The following RPS6KC1 variants were observed in gnomAD, a reference collection of about 807,000 sequenced individuals.
The protein encoded by RPS6KC1 is ribosomal protein S6 kinase C1, also known as inactive ribosomal protein S6 kinase delta-1.
Under a neutral mutation model 103.8 loss-of-function variants are expected in RPS6KC1, and 54 were observed. That is an observed-to-expected ratio of 0.52 (90% CI 0.42 to 0.65). RPS6KC1 has a LOEUF of 0.65. RPS6KC1 is among the 30% of genes least tolerant of loss of function. The pLI is 0.00. For synonymous variants in RPS6KC1, 439 were observed against 438.7 expected (o/e 1.00, Z -0.01); for missense variants, 1,151 against 1,253.8 (o/e 0.92, Z 1.24).
chr1:213,851,407 T>C, the RPS6KC1 span, among the ~76,000 whole-genome samples: 2 of 152,174 alleles, frequency 1.3e-5, no homozygotes, highest in African/African-American at 4.8e-5. Context: ...TTTCTCTCTC[T>C]CTTTCCAGTC....
chr1:213,389,123 C>CT, the RPS6KC1 span, among the ~76,000 whole-genome samples: 295 of 144,616 alleles, frequency 2.0e-3, 3 homozygotes, highest in East Asian at 0.017. Flanking sequence ...CTGGAGCTAG[C>CT]TTTTTTTTTT....
At chr1:213,329,929 TG>T in the RPS6KC1 span, among the ~76,000 whole-genome samples, 4 of 152,122 alleles carry the variant, frequency 2.6e-5, no homozygotes, top group Non-Finnish European at 5.9e-5. Flanking sequence ...AGTGAAACCT[TG>T]GCACCCTCTC....
chr1:213,499,842 CA>C, the RPS6KC1 span, among the ~76,000 whole-genome samples: 3 of 152,086 alleles, frequency 2.0e-5, no homozygotes, highest in Non-Finnish European at 4.4e-5. Flanking sequence ...AAAGTATTTG[CA>C]TATTTAAACA....
chr1:213,617,604 G>A, the RPS6KC1 span, among the ~76,000 whole-genome samples: 3 of 152,156 alleles, frequency 2.0e-5, no homozygotes, highest in African/African-American at 7.2e-5. Context: ...CATGAAAGGA[G>A]GATTTTATTT....
At chr1:213,118,710 A>T (rs190210066) in intron 5 of RPS6KC1, among the ~76,000 whole-genome samples, 2 of 151,496 alleles carry the variant, frequency 1.3e-5, no homozygotes, top group Non-Finnish European at 2.9e-5. Context: ...TTTTCATTGT[A>T]CTTTCCATTG....
chr1:213,212,157 A>G (rs2093525206), intron 8 of RPS6KC1, among the ~76,000 whole-genome samples: 3 of 152,186 alleles, frequency 2.0e-5, no homozygotes, highest in South Asian at 4.1e-4. Context: ...GGACAAATGT[A>G]TAATGACCAT....
chr1:213,591,735 G>A, the RPS6KC1 span, among the ~76,000 whole-genome samples: 2 of 152,226 alleles, frequency 1.3e-5, no homozygotes, highest in African/African-American at 2.4e-5. Context: ...GCAATACCCA[G>A]TAAGGGAGGT....
the RPS6KC1 span, among the ~76,000 whole-genome samples, chr1:213,284,788 A>G: frequency 2.0e-5 from 3 of 152,190 alleles, no homozygotes; most frequent in Non-Finnish European, 2.9e-5. Context: ...TGTTTACAGT[A>G]TGACTAATAC....
intron 2 of RPS6KC1, among the ~76,000 whole-genome samples, chr1:213,074,595 A>G (rs2079143422): frequency 6.6e-6 from 1 of 152,098 alleles, no homozygotes; most frequent in Admixed American, 6.6e-5. Flanking sequence ...AGTGGATGTG[A>G]CATTTTGCGA....
the RPS6KC1 span, among the ~76,000 whole-genome samples, chr1:213,301,172 C>G: frequency 6.6e-6 from 1 of 152,144 alleles, no homozygotes; most frequent in Non-Finnish European, 1.5e-5. Flanking sequence ...GCTGTCTTCT[C>G]CTTTCCTGTT....
At chr1:213,706,188 C>G in the RPS6KC1 span, among the ~76,000 whole-genome samples, 2 of 152,200 alleles carry the variant, frequency 1.3e-5, no homozygotes, top group Admixed American at 1.3e-4. Flanking sequence ...ATGGCCTAGA[C>G]TGCCTTTCAA....
chr1:213,433,963 T>C, the RPS6KC1 span, among the ~76,000 whole-genome samples: 1 of 152,178 alleles, frequency 6.6e-6, no homozygotes, highest in Admixed American at 6.5e-5. Context: ...GAAAGTCCAA[T>C]TTATAAATTT....
At chr1:213,732,334 G>GGCAT in the RPS6KC1 span, among the ~76,000 whole-genome samples, 1 of 133,006 alleles carries the variant, frequency 7.5e-6, no homozygotes, top group Admixed American at 8.1e-5. Flanking sequence ...TAGCCTGAAT[G>GGCAT]GTATGTATGT....
At chr1:213,175,371 G>A (rs953892261) in intron 7 of RPS6KC1, among the ~76,000 whole-genome samples, 2 of 152,148 alleles carry the variant, frequency 1.3e-5, no homozygotes, top group Non-Finnish European at 2.9e-5. Flanking sequence ...TGTTTGATCA[G>A]GATATTTTAT....
the RPS6KC1 span, among the ~76,000 whole-genome samples, chr1:213,815,277 C>CTTTCCCAGTT: frequency 6.6e-6 from 1 of 152,188 alleles, no homozygotes; most frequent in Non-Finnish European, 1.5e-5. Context: ...AATTAAACCT[C>CTTTCCCAGTT]TTTCCCAGTT....
chr1:213,358,701 C>T, the RPS6KC1 span, among the ~76,000 whole-genome samples: 1 of 152,038 alleles, frequency 6.6e-6, no homozygotes, highest in Non-Finnish European at 1.5e-5. Context: ...GCTCTTGCTT[C>T]TCTAGTTCTT....
chr1:213,083,379 T>C (rs959391103), intron 3 of RPS6KC1, among the ~76,000 whole-genome samples: 3 of 152,250 alleles, frequency 2.0e-5, no homozygotes, highest in African/African-American at 7.2e-5. Flanking sequence ...TCAGAATTAC[T>C]ATGGACCCAT....
chr1:213,646,882 C>CATATATATATATATATAT, the RPS6KC1 span, among the ~76,000 whole-genome samples: 8 of 147,076 alleles, frequency 5.4e-5, no homozygotes, highest in African/African-American at 2.0e-4. Flanking sequence ...TGTGTGTATG[C>CATATATATATATATATAT]ATATATATAT....
At chr1:213,545,277 A>G in the RPS6KC1 span, among the ~76,000 whole-genome samples, 1 of 151,972 alleles carries the variant, frequency 6.6e-6, no homozygotes, top group Admixed American at 6.6e-5. Flanking sequence ...AGGCTGAGGC[A>G]GGAGAATCGC....
Sources: allele counts gnomAD v4.1 joint callset (sites outside exome capture counted in the v4.1 genomes callset), GRCh38; gene constraint gnomAD v4.1.1; transcripts MANE v1.5; gene names NCBI Gene and HGNC (gene_info 2026-07-23, HGNC 2026-07-21).